The following PCNX1 variants were observed in gnomAD, a reference collection of about 807,000 sequenced individuals.
PCNX1 encodes pecanex-like protein 1.
Under a neutral mutation model 242.2 loss-of-function variants are expected in PCNX1, and 78 were observed. The ratio of observed to expected loss-of-function variants is 0.32; its 90% CI spans 0.27 to 0.39. The LOEUF is 0.39. Ranked by LOEUF, PCNX1 falls within the 10% of genes least tolerant of loss-of-function variation. The pLI, the probability that PCNX1 is intolerant of heterozygous loss-of-function variation, is 1.00. For synonymous variants in PCNX1, 1,024 were observed against 1,032.9 expected (o/e 0.99, Z 0.17); for missense variants, 2,581 against 2,856.5 (o/e 0.90, Z 2.20).
At chr14:71,096,788 CAATT>C (rs2062296905) in intron 30 of PCNX1, among the ~76,000 whole-genome samples, 1 of 152,044 alleles carries the variant, frequency 6.6e-6, no homozygotes, top group Non-Finnish European at 1.5e-5. Context: ...GTGAATTAAT[CAATT>C]GAGGGTTGCA....
intron 26 of PCNX1, among the ~76,000 whole-genome samples, chr14:71,072,856 T>G (rs2061618261): frequency 6.6e-6 from 1 of 152,242 alleles, no homozygotes; most frequent in Non-Finnish European, 1.5e-5. Flanking sequence ...TCAATAACAT[T>G]CCACTGGTTT....
chr14:71,077,142 C>T (rs997891617), intron 28 of PCNX1, among the ~76,000 whole-genome samples: 1 of 152,168 alleles, frequency 6.6e-6, no homozygotes, highest in African/African-American at 2.4e-5. Context: ...CCAATCCACA[C>T]ATTAGGATAA....
intron 13 of PCNX1, among the ~76,000 whole-genome samples, chr14:71,025,319 C>G (rs1387725117): frequency 1.3e-5 from 2 of 152,154 alleles, no homozygotes; most frequent in African/African-American, 4.8e-5. Flanking sequence ...TTTGACATAT[C>G]TCTGTCATTC....
At position 71,105,319 on chromosome 14, in the gene PCNX1, T is replaced by G; in HGVS notation, c.6180T>G (p.Gly2060=). 1.2e-6 allele frequency: 2 copies of G among 1,614,008 alleles called. No homozygotes were observed. Among genetic ancestry groups the G allele is most frequent in the Non-Finnish European group, 1.7e-6 (2 of 1,179,932 alleles). ...SDTGGGTSCT[G]NNATTANNPH... Reference sequence around the variant, plus strand: ...CTGGAGGTGGGACTTCCTGCACTGGTAACAATGCAACAACTGCCAACAATC... The same window carrying G: ...CTGGAGGTGGGACTTCCTGCACTGGGAACAATGCAACAACTGCCAACAATC... Residue 2060 remains glycine, a synonymous_variant, in exon 33 of 36, where the codon GGT becomes GGG. Coordinates refer to ENST00000304743, the MANE Select transcript of PCNX1 (RefSeq NM_014982.3).
intron 22 of PCNX1, 76 bp from the exon 23 acceptor site, chr14:71,050,576 A>G (rs1357406484): frequency 3.7e-6 from 5 of 1,346,530 alleles, no homozygotes; most frequent in Non-Finnish European, 3.0e-6. Flanking sequence ...TACATTTTAC[A>G]GGGTTTTTAT....
chr14:71,010,627 C>A (rs758182754), intron 9 of PCNX1, among the ~76,000 whole-genome samples: 3 of 151,872 alleles, frequency 2.0e-5, no homozygotes, highest in Non-Finnish European at 4.4e-5. Context: ...TTTTTGTTTT[C>A]TAAAATTTTG....
Position 70,977,877 on chromosome 14 carries a change from A to G in PCNX1, c.1540A>G (p.Lys514Glu), listed in dbSNP as rs762152785. ...ACCACCTGGGAACACTGCAGAAAAC[A>G]AAGAAGAGAAGAGTGATAAGTCAGC... ...DRPPGNTAEN[K>E]EEKSDKSAVS... The change falls in exon 6 of 36, where the codon AAA (lysine) becomes GAA (glutamate). Residue 514 changes from lysine to glutamate, a missense_variant. By Grantham distance (56) the Lys-to-Glu change is moderately conservative. Around this residue, in one of 9 missense-constraint regions of PCNX1, gnomAD observed 1,204 missense variants for 1,216.7 expected, o/e 0.99. Coordinates refer to ENST00000304743, the MANE Select transcript of PCNX1 (RefSeq NM_014982.3). 8 of 1,613,966 alleles carry G rather than the reference A, an allele frequency of 5.0e-6. No individual in the cohort carries two copies. Among genetic ancestry groups the G allele is most frequent in the Non-Finnish European group, 6.8e-6 (8 of 1,179,934 alleles).
At chr14:70,963,281 A>C (rs1052866182) in intron 3 of PCNX1, among the ~76,000 whole-genome samples, 26 of 152,264 alleles carry the variant, frequency 1.7e-4, no homozygotes. Flanking sequence ...TCTTTTGCAG[A>C]TGAGTACTTA....
Position 71,089,184 on chromosome 14 carries a change from C to T in PCNX1, c.5439-8C>T. On this transcript the variant is annotated splice_polypyrimidine_tract_variant and splice_region_variant and intron_variant, in intron 29 of 35. Transcript: ENST00000304743. ...AAACATGTGAACTTTTATCTCCAAT[C>T]TTAACAGTAATTTAGAGTCATTCCT... is the stretch of plus-strand genomic sequence containing the variant. 6.3e-7 allele frequency: 1 copy of T among 1,594,240 alleles called. No individual in the cohort carries two copies. Among genetic ancestry groups the T allele is most frequent in the Non-Finnish European group, 8.6e-7 (1 of 1,166,866 alleles).
chr14:70,912,079 C>CA (rs2055938743), intron 1 of PCNX1, among the ~76,000 whole-genome samples: 1 of 151,726 alleles, frequency 6.6e-6, no homozygotes, highest in Non-Finnish European at 1.5e-5. Context: ...ACTAAAAAAA[C>CA]AAAAAATTAG....
At chr14:71,008,655 CAA>C (rs777494885) in intron 8 of PCNX1, among the ~76,000 whole-genome samples, 1,673 of 32,548 alleles carry the variant, frequency 0.051, 46 homozygotes, top group African/African-American at 0.076. Flanking sequence ...GACTCTGTCT[CAA>C]AAAAAAAAAA....
intron 1 of PCNX1, among the ~76,000 whole-genome samples, chr14:70,923,371 A>T (rs1330704961): frequency 6.6e-6 from 1 of 152,198 alleles, no homozygotes; most frequent in Non-Finnish European, 1.5e-5. Flanking sequence ...TAAGAAAAAA[A>T]TTCATGTTTT....
intron 26 of PCNX1, among the ~76,000 whole-genome samples, chr14:71,064,086 A>T (rs979749102): frequency 6.6e-6 from 1 of 151,876 alleles, no homozygotes; most frequent in Non-Finnish European, 1.5e-5. Context: ...TATTTTCATG[A>T]TTGTTTGTTT....
chr14:70,986,880 A>G (rs2059017178), intron 6 of PCNX1, among the ~76,000 whole-genome samples: 2 of 152,370 alleles, frequency 1.3e-5, no homozygotes, highest in South Asian at 2.1e-4. Context: ...ACTGTAGAAT[A>G]GAAATCTTTA....
chr14:70,943,970 C>G (rs953052919), intron 1 of PCNX1, among the ~76,000 whole-genome samples: 1 of 152,182 alleles, frequency 6.6e-6, no homozygotes, highest in African/African-American at 2.4e-5. Flanking sequence ...GTTTGGGAAC[C>G]CTTGCCTGGA....
intron 7 of PCNX1, among the ~76,000 whole-genome samples, chr14:70,994,419 A>ATATATATATATATATATATATATT (rs2059277493): frequency 7.8e-6 from 1 of 128,922 alleles, no homozygotes; most frequent in Admixed American, 7.8e-5. Context: ...ATATATATAT[A>ATATATATATATATATATATATATT]TATATATATA....
At chr14:71,036,252 C>A in intron 19 of PCNX1, 95 bp downstream of exon 19, 1 of 783,400 alleles carries the variant, frequency 1.3e-6, no homozygotes, top group South Asian at 1.6e-5. Context: ...GATCACAGTT[C>A]ATTCTAACCT....
rs1422419403 is a variant in PCNX1 at position 71,088,434 on chromosome 14, A to G, written c.5438+4A>G. The stretch of plus-strand genomic sequence containing the variant: ...CTGCATCCCATCATATGTCCAGGTA[A>G]AGAAGGCATTTCTGTTCTGAGGAAG... On this transcript the variant is annotated splice_donor_region_variant and intron_variant, in intron 29 of 35. Transcript: ENST00000304743. The G allele has an allele frequency of 2.6e-6, 4 of 1,558,638 alleles. No individual in the cohort carries two copies. Among genetic ancestry groups the G allele is most frequent in the Non-Finnish European group, 3.5e-6 (4 of 1,129,968 alleles).
chr14:70,956,043 G>A (rs556975966), intron 2 of PCNX1, among the ~76,000 whole-genome samples: 53 of 152,068 alleles, frequency 3.5e-4, no homozygotes, highest in African/African-American at 1.3e-3. Context: ...TTTTTTGGTT[G>A]TCACACTGAG....
Sources: gnomAD v4.1 joint callset for allele counts (sites outside exome capture counted in the v4.1 genomes callset) on GRCh38, gnomAD v4.1.1 for gene constraint, gnomAD v4.1.1 regional missense constraint, MANE v1.5 for transcripts, NCBI Gene and HGNC (gene_info 2026-07-23, HGNC 2026-07-21) for gene names.